Variants in TDRD1 observed in about 807,000 individuals in gnomAD.
The protein encoded by TDRD1 is tudor domain containing 1, also known as tudor domain-containing protein 1.
TDRD1 carries 37 observed loss-of-function variants against 140.6 expected under a neutral mutation model. The ratio of observed to expected loss-of-function variants is 0.26; its 90% CI spans 0.20 to 0.35. The LOEUF (loss-of-function observed/expected upper bound fraction) is 0.35. TDRD1 is among the 10% of genes least tolerant of loss of function. The pLI is 1.00. For missense variants in TDRD1, 1,243 were observed against 1,393.0 expected (o/e 0.89, Z 1.71); for synonymous variants, 506 against 475.7 (o/e 1.06, Z -0.83).
chr10:114,211,789 C>G, intron 13 of TDRD1, 77 bp from the exon 14 acceptor site: 1 of 1,361,562 alleles, frequency 7.3e-7, no homozygotes, highest in Non-Finnish European at 9.7e-7. Context: ...ATGACCATCT[C>G]TAAGTTGAGG....
intron 8 of TDRD1, 95 bp downstream of exon 8, chr10:114,203,662 T>A: frequency 8.9e-7 from 1 of 1,125,602 alleles, no homozygotes; most frequent in Non-Finnish European, 1.3e-6. Flanking sequence ...TGACAAGGCT[T>A]AAAGCCAGCC....
At chr10:114,193,796 G>A (rs2034157254) in intron 3 of TDRD1, among the ~76,000 whole-genome samples, 1 of 152,144 alleles carries the variant, frequency 6.6e-6, no homozygotes, top group African/African-American at 2.4e-5. Context: ...CTAATCTTAG[G>A]GAGAAAGCAT....
chr10:114,200,955 G>A (rs955379575), intron 4 of TDRD1, among the ~76,000 whole-genome samples: 3 of 148,154 alleles, frequency 2.0e-5, no homozygotes, highest in Non-Finnish European at 4.4e-5. Context: ...TCCCGGGTTC[G>A]AGATTCTCCT....
intron 25 of TDRD1, chr10:114,228,265 G>T (rs2036555490): frequency 1.4e-6 from 2 of 1,425,972 alleles, no homozygotes; most frequent in African/African-American, 1.4e-5. Context: ...CTGAGGTTTG[G>T]TCATAATGCT....
intron 2 of TDRD1, among the ~76,000 whole-genome samples, chr10:114,189,272 A>G (rs1370503894): frequency 6.6e-6 from 1 of 152,146 alleles, no homozygotes; most frequent in South Asian, 2.1e-4. Context: ...AATGGGAATT[A>G]CTCCTGACTT....
chr10:114,201,559 G>A, intron 5 of TDRD1, 44 bp downstream of exon 5: 1 of 1,532,484 alleles, frequency 6.5e-7, no homozygotes. Context: ...TTATGTAAAA[G>A]GTTCTGATAC....
intron 21 of TDRD1, among the ~76,000 whole-genome samples, chr10:114,225,460 A>G (rs779305369): frequency 1.1e-4 from 16 of 152,020 alleles, no homozygotes; most frequent in Non-Finnish European, 1.8e-4. Context: ...TGGTTGAGCT[A>G]CCATGGCTCT....
chr10:114,191,300 C>G (rs2033947119), intron 3 of TDRD1, among the ~76,000 whole-genome samples: 1 of 152,206 alleles, frequency 6.6e-6, no homozygotes, highest in African/African-American at 2.4e-5. Context: ...GATACACCAT[C>G]AAGATACGGA....
At chr10:114,185,801 C>T (rs1418366361) in intron 1 of TDRD1, among the ~76,000 whole-genome samples, 1 of 151,812 alleles carries the variant, frequency 6.6e-6, no homozygotes, top group Non-Finnish European at 1.5e-5. Context: ...GTTGTCCAGG[C>T]TGGTCTCGAA....
chr10:114,190,522 C>G (rs948099915), intron 2 of TDRD1, among the ~76,000 whole-genome samples: 3 of 152,210 alleles, frequency 2.0e-5, no homozygotes, highest in Non-Finnish European at 2.9e-5. Context: ...GAGTCTCACT[C>G]TGTTGTCCGG....
chr10:114,210,805 A>C (rs2133060837), intron 12 of TDRD1, 55 bp from the exon 13 acceptor site: 1 of 1,612,750 alleles, frequency 6.2e-7, no homozygotes, highest in East Asian at 2.2e-5. Flanking sequence ...GAGACTTGAC[A>C]TGTAGAAATA....
chr10:114,183,723 G>A lies in TDRD1; in HGVS notation c.-6-4103G>A, dbSNP rs1399557881. Among the ~76,000 whole-genome samples, 7 of 125,244 alleles carry A rather than the reference G, an allele frequency of 5.6e-5. No homozygotes were observed. In the South Asian group the frequency reaches 7.6e-4, roughly 14 times the overall value. The allele number at this position is 125,244 out of a possible 152,430, so 82.2% of individuals were successfully genotyped here. On this transcript the variant is annotated intron_variant, in intron 1 of 25. Transcript: ENST00000251864. ...AACTTTTTTTTTTTTTTTTTTTTGA[G>A]ACAGTCTCGCTTCGTTGCCCAAGCT... is the stretch of plus-strand genomic sequence containing the variant.
intron 15 of TDRD1, 142 bp downstream of exon 15, chr10:114,213,730 G>T: frequency 1.1e-6 from 1 of 879,682 alleles, no homozygotes; most frequent in East Asian, 2.7e-5. Context: ...ATACTTGTAA[G>T]AATGTTTGAA....
chr10:114,202,237 G>A lies in TDRD1; in HGVS notation c.636-1G>A. 7 of 1,601,398 alleles carry A rather than the reference G, an allele frequency of 4.4e-6. No homozygotes were observed. Among genetic ancestry groups the A allele is most frequent in the Non-Finnish European group, 5.1e-6 (6 of 1,173,398 alleles). On this transcript the variant is annotated splice_acceptor_variant, in intron 5 of 25. Coordinates refer to ENST00000251864, the Ensembl canonical transcript of TDRD1. LOFTEE classifies it high-confidence loss of function. ...TATTGTAATCTGTTGCTTTATTGCA[G>A]TTTCCACAAACTTGAAAATAAATCA...
exon 15 of TDRD1, chr10:114,213,490 C>G: frequency 6.2e-7 from 1 of 1,613,938 alleles, no homozygotes; most frequent in South Asian, 1.1e-5. Context: ...TCCGAGACGC[C>G]TCATGTCAGT....
At chr10:114,202,121 A>G in intron 5 of TDRD1, 117 bp from the exon 6 acceptor site, 2 of 724,860 alleles carry the variant, frequency 2.8e-6, no homozygotes, top group Non-Finnish European at 4.5e-6. Flanking sequence ...TGATTCTGGA[A>G]GAAGCTGTTT....
chr10:114,188,153 G>A, exon 2 of TDRD1: 3 of 1,568,960 alleles, frequency 1.9e-6, no homozygotes, highest in East Asian at 2.2e-5. Flanking sequence ...AAAATTGCCA[G>A]CAGGTGAGTG....
chr10:114,208,524 G>A (rs1032098404), intron 11 of TDRD1, among the ~76,000 whole-genome samples: 6 of 152,114 alleles, frequency 3.9e-5, no homozygotes, highest in African/African-American at 1.2e-4. Context: ...CCGAGCTAGC[G>A]ACATCACCAT....
exon 26 of TDRD1, chr10:114,231,533 A>T (rs1336377629): frequency 6.3e-7 from 1 of 1,586,450 alleles, no homozygotes; most frequent in Non-Finnish European, 8.5e-7. Context: ...GAAACAGCAA[A>T]GGCTAGCTTT....
Sources: gnomAD v4.1 joint callset for allele counts (sites outside exome capture counted in the v4.1 genomes callset) on GRCh38, gnomAD v4.1.1 for gene constraint, MANE v1.5 for transcripts, NCBI Gene and HGNC (gene_info 2026-07-23, HGNC 2026-07-21) for gene names.